Variants in KALRN observed in about 807,000 individuals in gnomAD.
KALRN encodes kalirin.
KALRN carries 70 observed loss-of-function variants against 353.7 expected under a neutral mutation model. That is an observed-to-expected ratio of 0.20 (90% CI 0.16 to 0.24). KALRN has a LOEUF of 0.24. Among genes scored for constraint, KALRN ranks in the 10% least tolerant of loss-of-function variants. KALRN has a pLI of 1.00. For missense variants in KALRN, 2,791 were observed against 3,756.7 expected (o/e 0.74, Z 6.72); for synonymous variants, 1,391 against 1,434.8 (o/e 0.97, Z 0.69).
At chr3:124,421,642 G>A (rs1435272886) in intron 14 of KALRN, among the ~76,000 whole-genome samples, 3 of 152,192 alleles carry the variant, frequency 2.0e-5, no homozygotes, top group Non-Finnish European at 4.4e-5. Flanking sequence ...CTTTCGGGTA[G>A]TCTTTGAGAG....
At chr3:124,150,115 A>G (rs1222802396) in intron 1 of KALRN, among the ~76,000 whole-genome samples, 2 of 152,210 alleles carry the variant, frequency 1.3e-5, no homozygotes, top group Non-Finnish European at 2.9e-5. Context: ...TGTAAATATT[A>G]GGGTTGTTAA....
intron 5 of KALRN, among the ~76,000 whole-genome samples, chr3:124,292,335 A>T (rs2076493957): frequency 6.6e-6 from 1 of 152,204 alleles, no homozygotes. Flanking sequence ...TAATTCCAGG[A>T]GGGATTGCAT....
At chr3:124,364,388 A>G (rs2084401636) in intron 10 of KALRN, among the ~76,000 whole-genome samples, 1 of 152,174 alleles carries the variant, frequency 6.6e-6, no homozygotes, top group African/African-American at 2.4e-5. Context: ...ATCTTCAGCT[A>G]TTTGGATTCT....
At chr3:124,584,939 G>A (rs2250757) in intron 34 of KALRN, 1 of 1,562,882 alleles carries the variant, frequency 6.4e-7, no homozygotes, top group Non-Finnish European at 8.7e-7. Context: ...GGTGCCTTCT[G>A]TTAGCCAGAC....
At chr3:124,511,064 A>G (rs2065849596) in intron 33 of KALRN, among the ~76,000 whole-genome samples, 1 of 152,062 alleles carries the variant, frequency 6.6e-6, no homozygotes, top group Admixed American at 6.5e-5. Context: ...TGCTCTCCAC[A>G]TTAATCCATG....
At chr3:124,050,422 T>A (rs1345849451) in intron 1 of KALRN, among the ~76,000 whole-genome samples, 1 of 152,216 alleles carries the variant, frequency 6.6e-6, no homozygotes, top group East Asian at 1.9e-4. Flanking sequence ...TGGCCAGTGC[T>A]GTGTTTTCAT....
intron 8 of KALRN, among the ~76,000 whole-genome samples, chr3:124,333,941 G>A (rs572852051): frequency 1.1e-4 from 17 of 152,168 alleles, no homozygotes; most frequent in Non-Finnish European, 2.5e-4. Context: ...TGTGTGCCAG[G>A]CACTGTTTTG....
intron 34 of KALRN, among the ~76,000 whole-genome samples, chr3:124,593,565 T>C (rs1578206284): frequency 6.6e-6 from 1 of 152,158 alleles, no homozygotes; most frequent in East Asian, 1.9e-4. Context: ...GATTTGTTCT[T>C]TTCTCTCTTT....
chr3:124,251,623 A>G (rs1370151363), intron 3 of KALRN, among the ~76,000 whole-genome samples: 1 of 152,136 alleles, frequency 6.6e-6, no homozygotes, highest in Non-Finnish European at 1.5e-5. Flanking sequence ...CGCCTGTTGC[A>G]GCCTTCCAAA....
chr3:124,217,439 T>C (rs1553852086), intron 1 of KALRN, among the ~76,000 whole-genome samples: 1 of 152,180 alleles, frequency 6.6e-6, no homozygotes, highest in Non-Finnish European at 1.5e-5. Context: ...TCATGCTATC[T>C]CATTTCCATG....
chr3:124,631,850 T>C (rs572462159), intron 34 of KALRN, among the ~76,000 whole-genome samples: 1 of 152,354 alleles, frequency 6.6e-6, no homozygotes, highest in African/African-American at 2.4e-5. Flanking sequence ...TGACTTCCTT[T>C]CTTACTGATC....
chr3:124,584,681 T>C, intron 34 of KALRN: 1 of 1,432,108 alleles, frequency 7.0e-7, no homozygotes, highest in African/African-American at 1.5e-5. Flanking sequence ...AAGTCAGAGC[T>C]GCGGCCGCGG....
intron 34 of KALRN, chr3:124,584,644 C>T: frequency 2.8e-6 from 4 of 1,411,444 alleles, no homozygotes; most frequent in Non-Finnish European, 3.7e-6. Flanking sequence ...CCCCTCCCCG[C>T]TTCCCAAGGT....
chr3:124,335,764 G>A (rs2081074592), intron 9 of KALRN, among the ~76,000 whole-genome samples: 1 of 152,136 alleles, frequency 6.6e-6, no homozygotes, highest in African/African-American at 2.4e-5. Context: ...GTAACTCCAG[G>A]ATTATACATA....
intron 3 of KALRN, 111 bp downstream of exon 3, chr3:124,235,054 A>G (rs1437279575): frequency 1.4e-6 from 1 of 710,762 alleles, no homozygotes; most frequent in South Asian, 1.7e-5. Flanking sequence ...CTGCTCTTCC[A>G]GTGGATTCTA....
At chr3:124,342,382 C>T (rs752297750) in intron 9 of KALRN, among the ~76,000 whole-genome samples, 2 of 152,162 alleles carry the variant, frequency 1.3e-5, no homozygotes, top group Non-Finnish European at 1.5e-5. Context: ...CATTATTTAT[C>T]TTCCACATAT....
At chr3:124,391,196 T>G (rs756904093) in intron 11 of KALRN, among the ~76,000 whole-genome samples, 1 of 149,400 alleles carries the variant, frequency 6.7e-6, no homozygotes. Flanking sequence ...GGTCATAGTA[T>G]ACATATATTT....
At chr3:124,118,800 C>T (rs1382772572) in intron 1 of KALRN, among the ~76,000 whole-genome samples, 3 of 152,234 alleles carry the variant, frequency 2.0e-5, no homozygotes, top group Non-Finnish European at 4.4e-5. Context: ...ATTGTCACAA[C>T]TCTGGCAGGT....
At chr3:124,041,558 C>T (rs1205543090) in intron 1 of KALRN, among the ~76,000 whole-genome samples, 1 of 152,144 alleles carries the variant, frequency 6.6e-6, no homozygotes, top group South Asian at 2.1e-4. Context: ...GGTCAGGGGA[C>T]CCCTTTTTTC....
Sources: gnomAD v4.1 joint callset for allele counts (sites outside exome capture counted in the v4.1 genomes callset) on GRCh38, gnomAD v4.1.1 for gene constraint, MANE v1.5 for transcripts, NCBI Gene and HGNC (gene_info 2026-07-23, HGNC 2026-07-21) for gene names.